SLC35F4: variants seen among roughly 807,000 people sequenced by gnomAD.
SLC35F4 encodes solute carrier family 35 member F4, also known as chromosome 14 open reading frame 36.
Under a neutral mutation model 44.2 loss-of-function variants are expected in SLC35F4, and 24 were observed. That is an observed-to-expected ratio of 0.54 (90% CI 0.39 to 0.76). The LOEUF (loss-of-function observed/expected upper bound fraction) is 0.76, where lower values mean the gene tolerates loss of function less well. Ranked by LOEUF, SLC35F4 falls within the 30% of genes least tolerant of loss-of-function variation. The probability of loss-of-function intolerance (pLI) is 0.00; values close to 1 mark genes in which losing one functional copy is unlikely to be tolerated. For missense variants in SLC35F4, 562 were observed against 586.1 expected (o/e 0.96, Z 0.42); for synonymous variants, 238 against 223.6 (o/e 1.06, Z -0.57).
At chr14:57,900,890 T>C (rs928400636) in intron 1 of SLC35F4, among the ~76,000 whole-genome samples, 4 of 152,168 alleles carry the variant, frequency 2.6e-5, no homozygotes, top group African/African-American at 9.7e-5. Flanking sequence ...AAAGAAGACA[T>C]ACATGCAGCC....
chr14:57,831,758 G>T (rs1884393804), intron 1 of SLC35F4, among the ~76,000 whole-genome samples: 1 of 152,100 alleles, frequency 6.6e-6, no homozygotes, highest in African/African-American at 2.4e-5. Flanking sequence ...TAACACCTTT[G>T]CAAAACAGAA....
intron 1 of SLC35F4, among the ~76,000 whole-genome samples, chr14:57,929,053 G>A (rs911916172): frequency 1.5e-4 from 23 of 152,150 alleles, no homozygotes; most frequent in Non-Finnish European, 2.2e-4. Flanking sequence ...ATTTTCCAGG[G>A]AAAAAGTATT....
At chr14:57,935,620 G>T (rs1889781458) in intron 1 of SLC35F4, among the ~76,000 whole-genome samples, 1 of 152,166 alleles carries the variant, frequency 6.6e-6, no homozygotes, top group African/African-American at 2.4e-5. Context: ...GAGAATAGGT[G>T]CTGGCAGAAT....
chr14:57,639,887 A>G (rs2073154545), intron 1 of SLC35F4, among the ~76,000 whole-genome samples: 1 of 152,036 alleles, frequency 6.6e-6, no homozygotes, highest in Non-Finnish European at 1.5e-5. Flanking sequence ...GGATAACCAT[A>G]AGAAACTCGT....
At chr14:57,795,826 G>T (rs979196158) in intron 1 of SLC35F4, among the ~76,000 whole-genome samples, 1 of 151,762 alleles carries the variant, frequency 6.6e-6, no homozygotes, top group South Asian at 2.1e-4. Flanking sequence ...AGGTTTGGGG[G>T]TACATATGCA....
At chr14:57,585,395 G>T (rs2069630356) in intron 3 of SLC35F4, among the ~76,000 whole-genome samples, 1 of 152,056 alleles carries the variant, frequency 6.6e-6, no homozygotes, top group Non-Finnish European at 1.5e-5. Context: ...ATACTGAATG[G>T]GCAAAAGCTA....
intron 1 of SLC35F4, among the ~76,000 whole-genome samples, chr14:57,901,370 G>C (rs970690670): frequency 5.9e-5 from 9 of 152,210 alleles, no homozygotes; most frequent in African/African-American, 7.2e-5. Flanking sequence ...GTCTTTTGCA[G>C]AGACATGGAT....
rs189058032 is a variant in SLC35F4, at chr14:57,717,617, C to T, written c.104-123493G>A. On this transcript the variant is annotated intron_variant, in intron 1 of 7. Transcript: ENST00000556826. ...CGCCACTGCACTCCAGCCTGGGCGA[C>T]AGAGCGAGACTCCGTCTCAAAAAAA... Among the ~76,000 whole-genome samples, 7 of 152,334 alleles carry T rather than the reference C, an allele frequency of 4.6e-5. No individual in the cohort carries two copies. The East Asian group carries it at 1.2e-3, about 25-fold the overall frequency.
chr14:57,722,959 C>T (rs896478054), intron 1 of SLC35F4, among the ~76,000 whole-genome samples: 7 of 152,308 alleles, frequency 4.6e-5, no homozygotes, highest in African/African-American at 1.2e-4. Flanking sequence ...ACAATTTATA[C>T]TGTTCATCTT....
intron 1 of SLC35F4, among the ~76,000 whole-genome samples, chr14:57,843,176 A>G (rs539347715): frequency 2.6e-5 from 4 of 152,242 alleles, no homozygotes; most frequent in Admixed American, 6.5e-5. Context: ...GTGGGACTTC[A>G]CTTGTGATCA....
intron 3 of SLC35F4, among the ~76,000 whole-genome samples, chr14:57,582,096 T>C (rs1312150438): frequency 6.6e-6 from 1 of 152,136 alleles, no homozygotes. Flanking sequence ...TGTGAGAAAA[T>C]GGTCACTTCA....
intron 1 of SLC35F4, among the ~76,000 whole-genome samples, chr14:57,610,444 C>A (rs1374678841): frequency 6.6e-6 from 1 of 152,174 alleles, no homozygotes; most frequent in African/African-American, 2.4e-5. Context: ...GTGAAGGCAA[C>A]TGTACCATCT....
intron 1 of SLC35F4, among the ~76,000 whole-genome samples, chr14:57,884,624 T>C (rs768963967): frequency 1.3e-5 from 2 of 152,190 alleles, no homozygotes; most frequent in Admixed American, 6.5e-5. Flanking sequence ...AGAAACTCTC[T>C]GAAGCAGGTC....
At chr14:57,767,125 CCA>C (rs1375659553) in intron 1 of SLC35F4, among the ~76,000 whole-genome samples, 6 of 152,158 alleles carry the variant, frequency 3.9e-5, no homozygotes, top group Admixed American at 2.0e-4. Flanking sequence ...ACTGAAAAAT[CCA>C]CAGTTAGAGT....
intron 1 of SLC35F4, among the ~76,000 whole-genome samples, chr14:57,723,020 G>A (rs2076120995): frequency 1.3e-5 from 2 of 152,286 alleles, no homozygotes; most frequent in Non-Finnish European, 1.5e-5. Context: ...GGGTAACTGT[G>A]CACTGGGGAA....
chr14:57,822,506 T>C (rs781692636), intron 1 of SLC35F4, among the ~76,000 whole-genome samples: 4 of 152,184 alleles, frequency 2.6e-5, no homozygotes, highest in Non-Finnish European at 5.9e-5. Flanking sequence ...ATTCTGGTTG[T>C]TAGCCATCTG....
chr14:57,876,927 A>G (rs942636389), intron 1 of SLC35F4, among the ~76,000 whole-genome samples: 1 of 152,118 alleles, frequency 6.6e-6, no homozygotes, highest in African/African-American at 2.4e-5. Context: ...AATCCTGTAG[A>G]TAGTTTCCGA....
At chr14:57,765,072 T>A (rs2077204419) in intron 1 of SLC35F4, among the ~76,000 whole-genome samples, 1 of 152,184 alleles carries the variant, frequency 6.6e-6, no homozygotes. Flanking sequence ...ACAGACTATG[T>A]CCCCGAACTC....
At position 57,778,241 on chromosome 14, in the gene SLC35F4, C is replaced by G. The variant is rs553980167; in HGVS notation, c.103+87482G>C. The stretch of plus-strand genomic sequence containing the variant: ...ATGCCAGCCACATGGAACTATAAGC[C>G]CAACTAAACCTCTTTCTTTTGTAAA... On this transcript the variant is annotated intron_variant, in intron 1 of 7. Coordinates refer to ENST00000556826, the MANE Select transcript of SLC35F4 (RefSeq NM_001306087.2). Among the ~76,000 whole-genome samples, 289 of 152,236 alleles carry G rather than the reference C, an allele frequency of 1.9e-3. 1 individual carries two copies. Among genetic ancestry groups the G allele is most frequent in the African/African-American group, 6.5e-3 (272 of 41,530 alleles).
Sources: gnomAD v4.1 joint callset for allele counts (sites outside exome capture counted in the v4.1 genomes callset) on GRCh38, gnomAD v4.1.1 for gene constraint, MANE v1.5 for transcripts, NCBI Gene and HGNC (gene_info 2026-07-23, HGNC 2026-07-21) for gene names.